The following GRIK1 variants were observed in gnomAD, a reference collection of about 807,000 sequenced individuals.
GRIK1 encodes glutamate receptor ionotropic, kainate 1.
Under a neutral mutation model 105.7 loss-of-function variants are expected in GRIK1, and 69 were observed. The observed-to-expected ratio is 0.65, with a 90% CI of 0.54 to 0.80. GRIK1 has a LOEUF of 0.80. Ranked by LOEUF, GRIK1 falls within the 30% of genes least tolerant of loss-of-function variation. GRIK1 has a pLI of 0.00. For missense variants in GRIK1, 1,109 were observed against 1,167.3 expected (o/e 0.95, Z 0.73); for synonymous variants, 438 against 431.3 (o/e 1.02, Z -0.19).
At chr21:29,594,001 G>T (rs2061367338) in intron 9 of GRIK1, among the ~76,000 whole-genome samples, 1 of 152,188 alleles carries the variant, frequency 6.6e-6, no homozygotes, top group African/African-American at 2.4e-5. Context: ...AATGAGAAAA[G>T]GGTGACCATT....
intron 16 of GRIK1, among the ~76,000 whole-genome samples, chr21:29,545,222 T>G (rs1474835878): frequency 6.6e-6 from 1 of 152,206 alleles, no homozygotes; most frequent in African/African-American, 2.4e-5. Context: ...ATTCCTGCAG[T>G]GAGGATAAGC....
At chr21:29,623,500 G>A (rs1160331583) in intron 7 of GRIK1, among the ~76,000 whole-genome samples, 1 of 151,550 alleles carries the variant, frequency 6.6e-6, no homozygotes, top group Non-Finnish European at 1.5e-5. Context: ...GACACCATAA[G>A]TTAATGAGAA....
rs908198993 is a variant in GRIK1, at chr21:29,537,894, A to G, written c.2608-10T>C. On this transcript the variant is annotated splice_polypyrimidine_tract_variant and intron_variant, in intron 16 of 17. Transcript: ENST00000327783. ...TTGATGACTTTCCTTTCTGATAAAA[A>G]AAAAAGAAAAAAAAACAATTTTAAA... 2.6e-6 allele frequency: 3 copies of G among 1,136,638 alleles called. No homozygotes were observed. Among genetic ancestry groups the G allele is most frequent in the African/African-American group, 3.1e-5 (2 of 63,996 alleles). The allele number at this position is 1,136,638 out of a possible 1,614,324, so 70.4% of individuals were successfully genotyped here.
chr21:29,779,204 C>T (rs1329490288), intron 1 of GRIK1, among the ~76,000 whole-genome samples: 2 of 152,194 alleles, frequency 1.3e-5, no homozygotes, highest in Non-Finnish European at 2.9e-5. Context: ...AAAGCGACAA[C>T]CATTTTTGTA....
chr21:29,547,733 A>G (rs1236312991), intron 16 of GRIK1, among the ~76,000 whole-genome samples: 1 of 152,216 alleles, frequency 6.6e-6, no homozygotes. Context: ...ATAATTAATG[A>G]ATGTTTGAGT....
intron 1 of GRIK1, among the ~76,000 whole-genome samples, chr21:29,750,901 T>G (rs942035807): frequency 6.6e-6 from 1 of 152,140 alleles, no homozygotes. Context: ...TTTAATCACC[T>G]GGGTGCAGGC....
chr21:29,736,812 G>A (rs1277186035), intron 1 of GRIK1, among the ~76,000 whole-genome samples: 1 of 151,468 alleles, frequency 6.6e-6, no homozygotes, highest in Non-Finnish European at 1.5e-5. Context: ...CAAGTAGCTG[G>A]GATTACAGGC....
chr21:29,652,774 C>A (rs568772717), intron 5 of GRIK1, among the ~76,000 whole-genome samples: 1 of 152,116 alleles, frequency 6.6e-6, no homozygotes, highest in African/African-American at 2.4e-5. Flanking sequence ...ACAATGCAAC[C>A]GCTTTCTGAA....
chr21:29,614,442 T>C (rs1356438990), intron 7 of GRIK1, among the ~76,000 whole-genome samples: 22 of 132,738 alleles, frequency 1.7e-4, no homozygotes, highest in Non-Finnish European at 2.9e-4. Context: ...GGACGGAGTT[T>C]CGCCCTTGTT....
chr21:29,885,296 A>G (rs533065818), intron 1 of GRIK1, among the ~76,000 whole-genome samples: 4 of 152,184 alleles, frequency 2.6e-5, no homozygotes, highest in African/African-American at 9.6e-5. Flanking sequence ...AGCCTTTGCT[A>G]GATGGTTTTT....
intron 1 of GRIK1, among the ~76,000 whole-genome samples, chr21:29,894,750 C>T (rs994155417): frequency 1.2e-4 from 19 of 152,160 alleles, no homozygotes; most frequent in Admixed American, 4.6e-4. Flanking sequence ...AGATTTTAAT[C>T]GGCGGGATGG....
intron 10 of GRIK1, 30 bp downstream of exon 10, chr21:29,591,082 G>A (rs1404275258): frequency 8.5e-7 from 1 of 1,179,404 alleles, no homozygotes; most frequent in Non-Finnish European, 1.3e-6. Context: ...GCCTGGATAA[G>A]ACACCCTCAA....
chr21:29,876,368 A>C (rs1292104277), intron 1 of GRIK1, among the ~76,000 whole-genome samples: 2 of 151,990 alleles, frequency 1.3e-5, no homozygotes, highest in African/African-American at 2.4e-5. Flanking sequence ...CATCAAATAC[A>C]TTATTTCTTA....
At chr21:29,553,525 G>T in intron 16 of GRIK1, 1 of 1,506,320 alleles carries the variant, frequency 6.6e-7, no homozygotes, top group South Asian at 1.4e-5. Flanking sequence ...TTTTCTACTG[G>T]GCACATCTTT....
At chr21:29,820,444 T>C (rs1458286653) in intron 1 of GRIK1, among the ~76,000 whole-genome samples, 2 of 152,210 alleles carry the variant, frequency 1.3e-5, no homozygotes, top group African/African-American at 2.4e-5. Context: ...TGGGAAATTA[T>C]ATTTAGAATT....
intron 13 of GRIK1, among the ~76,000 whole-genome samples, chr21:29,580,894 C>T (rs912839536): frequency 6.6e-6 from 1 of 151,934 alleles, no homozygotes; most frequent in Non-Finnish European, 1.5e-5. Context: ...ATTTTATTTC[C>T]CCAACTCCTA....
At chr21:29,585,582 TTTGCCCTGCGAAATATGGAAACTACTG>T (rs1364730805) in intron 12 of GRIK1, among the ~76,000 whole-genome samples, 5 of 152,094 alleles carry the variant, frequency 3.3e-5, no homozygotes, top group African/African-American at 1.2e-4. Context: ...GAAACTCACT[TTTGCCCTGCGAAATATGGAAACTACTG>T]TTGCCCTGGG....
chr21:29,796,746 C>T (rs144659988), intron 1 of GRIK1, among the ~76,000 whole-genome samples: 3 of 152,156 alleles, frequency 2.0e-5, no homozygotes, highest in South Asian at 2.1e-4. Context: ...GCCAAAAGTT[C>T]GAGACCAGCC....
chr21:29,824,338 C>G (rs1223619816), intron 1 of GRIK1, among the ~76,000 whole-genome samples: 1 of 151,928 alleles, frequency 6.6e-6, no homozygotes, highest in African/African-American at 2.4e-5. Context: ...ACCTCCGGCA[C>G]TGTTTCACAT....
Sources: gnomAD v4.1 joint callset for allele counts (sites outside exome capture counted in the v4.1 genomes callset) on GRCh38, gnomAD v4.1.1 for gene constraint, MANE v1.5 for transcripts, NCBI Gene and HGNC (gene_info 2026-07-23, HGNC 2026-07-21) for gene names.